BCL9L: variants seen among roughly 807,000 people sequenced by gnomAD.
The protein encoded by BCL9L is B-cell CLL/lymphoma 9-like protein.
BCL9L carries 19 observed loss-of-function variants against 99.4 expected under a neutral mutation model. That is an observed-to-expected ratio of 0.19 (90% CI 0.13 to 0.28). BCL9L has a LOEUF of 0.28. Ranked by LOEUF, BCL9L falls within the 10% of genes least tolerant of loss-of-function variation. The probability of loss-of-function intolerance (pLI) is 1.00; values close to 1 mark genes in which losing one functional copy is unlikely to be tolerated. For synonymous variants in BCL9L, 900 were observed against 854.8 expected, an observed-to-expected ratio of 1.05 and a Z score of -0.92; for missense variants, 2,023 against 2,101.6, an observed-to-expected ratio of 0.96 and a Z score of 0.73.
At position 118,925,380 on chromosome 11, in the gene BCL9L, C is replaced by G. The variant is rs1205476842; in HGVS notation, c.-273G>C. The stretch of plus-strand genomic sequence containing the variant: ...CAGGCGGTGATCTTTTGATCCTGGA[C>G]GCCTTGATCTCAATACCAGCCCGGC... On this transcript the variant is annotated 5_prime_UTR_variant, in exon 1 of 10. Coordinates refer to ENST00000683865, the MANE Select transcript of BCL9L (RefSeq NM_001378213.1). This position sits in a 1 kb window ranked among gnomAD's most constrained non-coding sequence, Gnocchi z 6.4. 1 of 152,236 alleles carries G rather than the reference C, an allele frequency of 6.6e-6. No individual in the cohort carries two copies. The highest frequency in any genetic ancestry group is 1.5e-5 in the Non-Finnish European group (1 of 68,090). 9.4% of individuals were successfully genotyped at this position (152,236 alleles called of 1,614,324 possible).
rs370520093 is a variant in BCL9L at position 118,901,571 on chromosome 11, G to A, written c.2172C>T (p.Pro724=). 59 of 1,613,958 alleles carry A rather than the reference G, an allele frequency of 3.7e-5. No individual in the cohort carries two copies. The highest frequency in any genetic ancestry group is 2.2e-4 in the Admixed American group (13 of 60,010). The part of the protein sequence containing the change: ...AHRQMDPAMF[P]GQMAGGEGLA... ...GGCCCTCACCACCAGCCATCTGCCCGGGAAACATGGCAGGATCCATCTGTC... is the reference window on the plus strand; with the variant it reads ...GGCCCTCACCACCAGCCATCTGCCCAGGAAACATGGCAGGATCCATCTGTC... The change falls in exon 8 of 10, where the codon CCC becomes CCT. Residue 724 remains proline (P), a synonymous_variant. Coordinates refer to ENST00000683865, the MANE Select transcript of BCL9L (RefSeq NM_001378213.1). This position sits in a 1 kb window ranked among gnomAD's most constrained non-coding sequence, Gnocchi z 6.6.
At position 118,901,023 on chromosome 11, in the gene BCL9L, T is replaced by G; in HGVS notation, c.2720A>C (p.Asn907Thr). Residue 907 changes from asparagine to threonine, a missense_variant, in exon 8 of 10, where the codon AAC (asparagine) becomes ACC (threonine). Transcript: ENST00000683865. The surrounding 1 kb of genome is among the most constrained non-coding windows in gnomAD (Gnocchi z 6.6). ...NPPGTVHSAP[N>T]RGLGRRPSDL... ...CGAAGGCCGCCTGCCTAGCCCCCGG[T>G]TTGGGGCTGAATGCACGGTCCCAGG... 2 of 1,565,864 alleles carry G rather than the reference T, an allele frequency of 1.3e-6. No individual in the cohort carries two copies. Among genetic ancestry groups the G allele is most frequent in the Non-Finnish European group, 1.7e-6 (2 of 1,154,622 alleles).
Position 118,898,191 on chromosome 11 carries a change from C to A in BCL9L, c.*224G>T, listed in dbSNP as rs1940001777. On this transcript the variant is annotated 3_prime_UTR_variant, in exon 10 of 10. Coordinates refer to ENST00000683865, the MANE Select transcript of BCL9L (RefSeq NM_001378213.1). Reference sequence around the variant, plus strand: ...AGTGGGGGAGGGGCAGTCCTGGTGGCCGAAATGGAACCAACCCCAATGCAA... The same window carrying A: ...AGTGGGGGAGGGGCAGTCCTGGTGGACGAAATGGAACCAACCCCAATGCAA... 1.6e-6 allele frequency: 1 copy of A among 633,436 alleles called. No individual in the cohort carries two copies. Among genetic ancestry groups the A allele is most frequent in the Non-Finnish European group, 2.7e-6 (1 of 371,914 alleles). 39.2% of individuals were successfully genotyped at this position (633,436 alleles called of 1,614,324 possible).
chr11:118,899,228 G>A lies in BCL9L; in HGVS notation c.3687C>T (p.Pro1229=). 2 of 1,512,014 alleles carry A rather than the reference G, an allele frequency of 1.3e-6. No individual in the cohort carries two copies. The allele number at this position is 1,512,014 out of a possible 1,614,324, so 93.7% of individuals were successfully genotyped here. Residue 1229 remains proline, a synonymous_variant, in exon 10 of 10, where the codon CCC becomes CCT. Coordinates refer to ENST00000683865, the MANE Select transcript of BCL9L (RefSeq NM_001378213.1). ...CACCATGGGGCTGCTGCAGCCGAGG[G>A]GGGAAGGGCATCATCTGGGAGGAGC... ...VPSSSQMMPF[P]PRLQQPHGAM...
At chr11:118,920,784 T>C (rs902875251) in intron 1 of BCL9L, among the ~76,000 whole-genome samples, 1 of 151,950 alleles carries the variant, frequency 6.6e-6, no homozygotes, top group African/African-American at 2.4e-5. Flanking sequence ...TATCACAAAG[T>C]CTCCACTGCA....
intron 5 of BCL9L, among the ~76,000 whole-genome samples, chr11:118,906,536 G>A (rs1239694203): frequency 1.3e-5 from 2 of 152,182 alleles, no homozygotes; most frequent in Admixed American, 1.3e-4. Flanking sequence ...ACCTCACAGG[G>A]CTGTTGTAAG....
chr11:118,920,712 C>T (rs906643614), intron 1 of BCL9L, among the ~76,000 whole-genome samples: 1 of 152,154 alleles, frequency 6.6e-6, no homozygotes, highest in Admixed American at 6.5e-5. Flanking sequence ...GTATGAGGAC[C>T]CTACAAGGTG....
At position 118,901,580 on chromosome 11, in the gene BCL9L, G is replaced by A. The variant is rs374822054; in HGVS notation, c.2163C>T (p.Ala721=). Residue 721 remains alanine, a synonymous_variant, in exon 8 of 10, where the codon GCC becomes GCT. Transcript: ENST00000683865. The surrounding 1 kb of genome is among the most constrained non-coding windows in gnomAD (Gnocchi z 6.6). ...MMQAHRQMDP[A]MFPGQMAGGE... ...CACCAGCCATCTGCCCGGGAAACAT[G>A]GCAGGATCCATCTGTCGGTGCGCCT... 2 of 1,614,090 alleles carry A rather than the reference G, an allele frequency of 1.2e-6. No homozygotes were observed. Among genetic ancestry groups the A allele is most frequent in the African/African-American group, 2.7e-5 (2 of 75,042 alleles).
rs1941171555 is a variant in BCL9L, at chr11:118,922,592, G to GA, written c.-131+2645dup. Among the ~76,000 whole-genome samples, 1 of 152,094 alleles carries GA rather than the reference G, an allele frequency of 6.6e-6. No individual in the cohort carries two copies. Among genetic ancestry groups the GA allele is most frequent in the Non-Finnish European group, 1.5e-5 (1 of 67,994 alleles). The stretch of plus-strand genomic sequence containing the variant: ...GGAACAGCCGGCCCCACCCCAGGGA[G>GA]AGCGGGCCTGGCAGAGGCTCCCTGC... On this transcript the variant is annotated intron_variant, in intron 1 of 9. Transcript: ENST00000683865. This position sits in a 1 kb window ranked among gnomAD's most constrained non-coding sequence, Gnocchi z 6.2.
Position 118,896,456 on chromosome 11 carries a change from G to A in BCL9L, c.*1959C>T, listed in dbSNP as rs1156460904. 1 of 152,652 alleles carries A rather than the reference G, an allele frequency of 6.6e-6. No homozygotes were observed. The highest frequency in any genetic ancestry group is 2.4e-5 in the African/African-American group (1 of 41,444). 9.5% of individuals were successfully genotyped at this position (152,652 alleles called of 1,614,324 possible). ...AGGGCAGGAAACACAGAGTCAGACA[G>A]TTTGGGGGGGTCTTGGGCCAGGGGT... On this transcript the variant is annotated 3_prime_UTR_variant, in exon 10 of 10. Coordinates refer to ENST00000683865, the MANE Select transcript of BCL9L (RefSeq NM_001378213.1).
rs190384331 is a variant in BCL9L, at chr11:118,914,860, G to A, written c.-77+3966C>T. 1.1e-4 allele frequency among the ~76,000 whole-genome samples: 16 copies of A among 152,328 alleles called. No individual in the cohort carries two copies. The highest frequency in any genetic ancestry group is 7.2e-4 in the Admixed American group (11 of 15,310). The stretch of plus-strand genomic sequence containing the variant: ...GGAATAAGAACTGAGTTTGAGGGCC[G>A]GGCGCGGTGGCACACGCCTGTAATC... On this transcript the variant is annotated intron_variant, in intron 2 of 9. Transcript: ENST00000683865. The surrounding 1 kb of genome is among the most constrained non-coding windows in gnomAD (Gnocchi z 4.4).
Position 118,910,554 on chromosome 11 carries a change from A to T in BCL9L, c.-76-539T>A, listed in dbSNP as rs906370471. The T allele has an allele frequency of 1.8e-4, 27 of 152,420 alleles. No individual in the cohort carries two copies. In the South Asian group the frequency reaches 4.7e-3, roughly 27 times the overall value. The allele number at this position is 152,420 out of a possible 1,614,324, so 9.4% of individuals were successfully genotyped here. A position where few individuals can be genotyped will look rare whatever the true frequency, so the allele number is the denominator to read the frequency against. Reference sequence around the variant, plus strand: ...AGCTGGGCTCTTCTGGAGACCAGTAACGCTGGCTCGGATTCCTCCCCGACC... The same window carrying T: ...AGCTGGGCTCTTCTGGAGACCAGTATCGCTGGCTCGGATTCCTCCCCGACC... On this transcript the variant is annotated intron_variant, in intron 2 of 9. Coordinates refer to ENST00000683865, the MANE Select transcript of BCL9L (RefSeq NM_001378213.1).
At position 118,900,493 on chromosome 11, in the gene BCL9L, G is replaced by A; in HGVS notation, c.3124+126C>T. On this transcript the variant is annotated intron_variant, in intron 8 of 9. Coordinates refer to ENST00000683865, the MANE Select transcript of BCL9L (RefSeq NM_001378213.1). This position sits in a 1 kb window ranked among gnomAD's most constrained non-coding sequence, Gnocchi z 5.3. ...ACAAATGTCATCATCTGCCCCATAA[G>A]CAGAGCCATCCACCTCTGGGCCCGT... 1.4e-6 allele frequency: 2 copies of A among 1,437,616 alleles called. No homozygotes were observed. Among genetic ancestry groups the A allele is most frequent in the Non-Finnish European group, 9.1e-7 (1 of 1,094,882 alleles). The allele number at this position is 1,437,616 out of a possible 1,614,324, so 89.1% of individuals were successfully genotyped here.
chr11:118,924,394 A>G (rs956846598), intron 1 of BCL9L, among the ~76,000 whole-genome samples: 4 of 151,806 alleles, frequency 2.6e-5, no homozygotes, highest in Non-Finnish European at 5.9e-5. Flanking sequence ...GGGGTGTCAG[A>G]AAAACCCGGA....
rs1176498036 is a variant in BCL9L, at chr11:118,921,704, GA to G, written c.-130-2826del. The stretch of plus-strand genomic sequence containing the variant: ...AGGCCTCTGCTTTTGCCACTGACAG[GA>G]AAAGTGAGAAGGCAGGGGAAGCCGC... On this transcript the variant is annotated intron_variant, in intron 1 of 9. Coordinates refer to ENST00000683865, the MANE Select transcript of BCL9L (RefSeq NM_001378213.1). This position sits in a 1 kb window ranked among gnomAD's most constrained non-coding sequence, Gnocchi z 5.4. Among the ~76,000 whole-genome samples the G allele has an allele frequency of 1.3e-5, 2 of 152,134 alleles. No homozygotes were observed. Among genetic ancestry groups the G allele is most frequent in the Non-Finnish European group, 2.9e-5 (2 of 68,014 alleles).
chr11:118,898,312 C>CCCCCCCCCCCCCCCCCCCCCACA lies in BCL9L; in HGVS notation c.*102_*103insTGTGGGGGGGGGGGGGGGGGGGG. The CCCCCCCCCCCCCCCCCCCCCACA allele has an allele frequency of 1.5e-6, 1 of 686,074 alleles. No individual in the cohort carries two copies. Among genetic ancestry groups the CCCCCCCCCCCCCCCCCCCCCACA allele is most frequent in the Admixed American group, 3.7e-5 (1 of 27,256 alleles). 42.5% of individuals were successfully genotyped at this position (686,074 alleles called of 1,614,324 possible). A position where few individuals can be genotyped will look rare whatever the true frequency, so the allele number is the denominator to read the frequency against. Reference sequence around the variant, plus strand: ...TACACAAGCCCCCTCCCACCCCCTCCACCCCACCCCGCGACCCAGGCCATC... The same window carrying CCCCCCCCCCCCCCCCCCCCCACA: ...TACACAAGCCCCCTCCCACCCCCTCCCCCCCCCCCCCCCCCCCCCCACAACCCCACCCCGCGACCCAGGCCATC... On this transcript the variant is annotated 3_prime_UTR_variant, in exon 10 of 10. Transcript: ENST00000683865.
intron 2 of BCL9L, among the ~76,000 whole-genome samples, chr11:118,917,762 C>T (rs1023009946): frequency 2.6e-5 from 4 of 152,202 alleles, no homozygotes; most frequent in Admixed American, 1.3e-4. Flanking sequence ...CAAAGTTCTC[C>T]AGCCTCCCCC....
At chr11:118,905,795 C>A (rs1346476953) in intron 5 of BCL9L, among the ~76,000 whole-genome samples, 1 of 151,364 alleles carries the variant, frequency 6.6e-6, no homozygotes, top group Non-Finnish European at 1.5e-5. Flanking sequence ...CCAGCCTGGG[C>A]AACAAGAGTG....
intron 1 of BCL9L, among the ~76,000 whole-genome samples, chr11:118,919,952 C>G (rs1410771582): frequency 6.6e-6 from 1 of 152,206 alleles, no homozygotes; most frequent in South Asian, 2.1e-4. Flanking sequence ...GGCCCTCCCC[C>G]TGCTGGGTCA....
Sources: allele counts gnomAD v4.1 joint callset (sites outside exome capture counted in the v4.1 genomes callset), GRCh38; gene constraint gnomAD v4.1.1; non-coding constraint Gnocchi (gnomAD v3.1); transcripts MANE v1.5; gene names NCBI Gene and HGNC (gene_info 2026-07-23, HGNC 2026-07-21).